CDC45: variants seen among roughly 807,000 people sequenced by gnomAD.
CDC45 encodes the protein cell division control protein 45 homolog.
CDC45 carries 54 observed loss-of-function variants against 77.8 expected under a neutral mutation model. That is an observed-to-expected ratio of 0.69 (90% confidence interval 0.56 to 0.87). The LOEUF is 0.87. Ranked by LOEUF, CDC45 falls within the 40% of genes least tolerant of loss-of-function variation. The probability of loss-of-function intolerance (pLI) is 0.00; values close to 1 mark genes in which losing one functional copy is unlikely to be tolerated. For missense variants in CDC45, 649 were observed against 721.6 expected (o/e 0.90, Z 1.15); for synonymous variants, 260 against 272.1 (o/e 0.96, Z 0.44).
intron 6 of CDC45, among the ~76,000 whole-genome samples, chr22:19,494,867 G>A (rs1268870114): frequency 2.6e-5 from 4 of 152,110 alleles, no homozygotes; most frequent in Non-Finnish European, 2.9e-5. Context: ...CACTCCTGCC[G>A]CTGCCACAGG....
At position 19,519,019 on chromosome 22, in the gene CDC45, G is replaced by A. The variant is rs5993664; in HGVS notation, c.*1+110G>A. On this transcript the variant is annotated intron_variant, in intron 18 of 18. Coordinates refer to ENST00000263201, the MANE Select transcript of CDC45 (RefSeq NM_003504.5). Reference sequence around the variant, plus strand: ...GAGGCTTCTACTTGGGTTTCAGACCGAAGCAGGGTTCTTGAGATTGGAGCC... The same window carrying A: ...GAGGCTTCTACTTGGGTTTCAGACCAAAGCAGGGTTCTTGAGATTGGAGCC... The A allele has an allele frequency of 4.4e-5, 37 of 831,780 alleles. No individual in the cohort carries two copies. The East Asian group carries it at 4.6e-4, about 10-fold the overall frequency. The allele number at this position is 831,780 out of a possible 1,614,324, so 51.5% of individuals were successfully genotyped here.
rs967970494 is a variant in CDC45, at chr22:19,479,931, A to T, written c.-38A>T. The stretch of plus-strand genomic sequence containing the variant: ...TCTTGACCGCCGCCGGGCTCTTGGT[A>T]CCTCAGCGCGAGCGCCAGGCGTCCG... On this transcript the variant is annotated 5_prime_UTR_variant, in exon 1 of 19. Transcript: ENST00000263201. 12 of 1,610,474 alleles carry T rather than the reference A, an allele frequency of 7.5e-6. No homozygotes were observed. The highest frequency in any genetic ancestry group is 1.0e-5 in the Non-Finnish European group (12 of 1,178,760).
intron 5 of CDC45, among the ~76,000 whole-genome samples, chr22:19,490,297 G>C (rs938487176): frequency 4.6e-5 from 7 of 151,926 alleles, no homozygotes; most frequent in African/African-American, 1.7e-4. Flanking sequence ...TGACATGTTA[G>C]GGCTTAAGTC....
At chr22:19,484,936 G>T (rs1005300851) in intron 5 of CDC45, among the ~76,000 whole-genome samples, 5 of 148,096 alleles carry the variant, frequency 3.4e-5, no homozygotes, top group Non-Finnish European at 7.5e-5. Flanking sequence ...TTTGTTTTTT[G>T]TTTTTTTTTT....
rs1399782640 is a variant in CDC45 at position 19,494,382 on chromosome 22, G to A, written c.542G>A (p.Arg181Lys). 8 of 1,613,518 alleles carry A rather than the reference G, an allele frequency of 5.0e-6. No individual in the cohort carries two copies. The highest frequency in any genetic ancestry group is 1.3e-5 in the African/African-American group (1 of 74,910). Residue 181 changes from arginine (R) to lysine (K), a missense_variant and splice_region_variant, in exon 6 of 19, where the codon AGA (arginine) becomes AAA (lysine). Coordinates refer to ENST00000263201, the MANE Select transcript of CDC45 (RefSeq NM_003504.5). ...RRQRREWEAR[R>K]RDILFDYEQY... The stretch of plus-strand genomic sequence containing the variant: ...CAGCGGCGAGAGTGGGAGGCCCGGA[G>A]GTGAGTCTGTGCTTCCAGCTGCTCC...
At chr22:19,507,922 G>C (rs929323449) in intron 12 of CDC45, 58 bp downstream of exon 12, 13 of 1,183,480 alleles carry the variant, frequency 1.1e-5, no homozygotes, top group Non-Finnish European at 1.6e-5. Flanking sequence ...TAAAGTGAAG[G>C]GTTCTACTTT....
In CDC45 at chr22:19,515,024, C is replaced by A. The variant is rs190155337; in HGVS notation, c.1416C>A (p.His472Gln). The A allele has an allele frequency of 1.2e-6, 2 of 1,612,372 alleles. No homozygotes were observed. Among genetic ancestry groups the A allele is most frequent in the African/African-American group, 1.3e-5 (1 of 74,876 alleles). ...CATCCCTAAGCCTGCTCAGCAAACA[C>A]CTGCTCAAGTCCTTTGTGTGTTCGG... Reference protein sequence around the residue: ...RPASLSLLSKHLLKSFVCSTK... With the variant: ...RPASLSLLSKQLLKSFVCSTK... The change falls in exon 15 of 19, where the codon CAC becomes CAA. Residue 472 changes from histidine (H) to glutamine (Q), a missense_variant. By Grantham distance (24) the His-to-Gln change is conservative. Transcript: ENST00000263201.
At chr22:19,516,266 T>C (rs969576868) in intron 15 of CDC45, among the ~76,000 whole-genome samples, 2 of 151,968 alleles carry the variant, frequency 1.3e-5, no homozygotes, top group Non-Finnish European at 2.9e-5. Context: ...ACAAGGAGGC[T>C]CGGGGACACA....
At chr22:19,489,786 CACTT>C in intron 5 of CDC45, among the ~76,000 whole-genome samples, 1 of 152,306 alleles carries the variant, frequency 6.6e-6, no homozygotes, top group South Asian at 2.1e-4. Flanking sequence ...TTAGAAATGT[CACTT>C]ACATACTGAG....
chr22:19,482,794 AGTCAATGTC>A lies in CDC45; in HGVS notation c.318_326del (p.Val107_Val109del). On this transcript the variant is annotated inframe_deletion, in exon 4 of 19. Coordinates refer to ENST00000263201, the MANE Select transcript of CDC45 (RefSeq NM_003504.5). ...TCTTTGTGTGTGACACCCATAGGCC[AGTCAATGTC>A]GTCAATGTATACAACGATACCCAGG... 6.2e-7 allele frequency: 1 copy of A among 1,614,070 alleles called. No individual in the cohort carries two copies. Among genetic ancestry groups the A allele is most frequent in the Non-Finnish European group, 8.5e-7 (1 of 1,179,892 alleles).
Position 19,483,913 on chromosome 22 carries a change from G to T in CDC45, c.394G>T (p.Asp132Tyr), listed in dbSNP as rs765355152. The T allele has an allele frequency of 1.2e-6, 2 of 1,612,994 alleles. No individual in the cohort carries two copies. The highest frequency in any genetic ancestry group is 1.7e-6 in the Non-Finnish European group (2 of 1,179,244). ...DDDLEVPAYEDIFRDEEEDEE... is the reference protein window; with the variant it reads ...DDDLEVPAYEYIFRDEEEDEE... Reference sequence around the variant, plus strand: ...TGACCTTGAAGTTCCCGCCTATGAAGACATCTTCAGGGATGAAGAGGAGGA... The same window carrying T: ...TGACCTTGAAGTTCCCGCCTATGAATACATCTTCAGGGATGAAGAGGAGGA... The change falls in exon 5 of 19, where the codon GAC (aspartate) becomes TAC (tyrosine). Residue 132 changes from aspartate (D) to tyrosine (Y), a missense_variant. Coordinates refer to ENST00000263201, the MANE Select transcript of CDC45 (RefSeq NM_003504.5).
intron 4 of CDC45, among the ~76,000 whole-genome samples, chr22:19,483,214 C>T (rs1425151631): frequency 6.6e-6 from 1 of 152,158 alleles, no homozygotes; most frequent in Non-Finnish European, 1.5e-5. Flanking sequence ...AGGCGGATTA[C>T]GAGGTCAGAA....
intron 9 of CDC45, among the ~76,000 whole-genome samples, chr22:19,502,513 C>T (rs1398300728): frequency 1.3e-5 from 2 of 152,210 alleles, no homozygotes; most frequent in East Asian, 3.8e-4. Flanking sequence ...CACATACACA[C>T]ACATACAAAG....
chr22:19,484,264 G>A lies in CDC45; in HGVS notation c.486+259G>A, dbSNP rs375764534. Reference sequence around the variant, plus strand: ...GAAATTTAGGACAGCTCAGCTCTGCGGCTAGATAGCAAAAAAATAATGTAG... The same window carrying A: ...GAAATTTAGGACAGCTCAGCTCTGCAGCTAGATAGCAAAAAAATAATGTAG... On this transcript the variant is annotated intron_variant, in intron 5 of 18. Transcript: ENST00000263201. Among the ~76,000 whole-genome samples the A allele has an allele frequency of 1.8e-4, 28 of 152,294 alleles. 1 individual carries two copies. The highest frequency in any genetic ancestry group is 6.3e-4 in the African/African-American group (26 of 41,552).
At position 19,516,569 on chromosome 22, in the gene CDC45, G is replaced by GC; in HGVS notation, c.1489dup (p.Leu497ProfsTer31). The GC allele has an allele frequency of 1.2e-6, 2 of 1,614,020 alleles. No individual in the cohort carries two copies. The highest frequency in any genetic ancestry group is 1.1e-5 in the South Asian group (1 of 91,084). On this transcript the variant is annotated frameshift_variant, in exon 16 of 19. Coordinates refer to ENST00000263201, the MANE Select transcript of CDC45 (RefSeq NM_003504.5). LOFTEE classifies it high-confidence loss of function. ...CAAACTGCTGCCCCTGGTGATGGCT[G>GC]CCCCCCTGAGCATGGAGCATGGCAC...
At chr22:19,516,680 T>G (rs1601996828) in intron 16 of CDC45, 35 bp downstream of exon 16, 1 of 1,568,372 alleles carries the variant, frequency 6.4e-7, no homozygotes, top group Non-Finnish European at 8.7e-7. Context: ...GACTGGAGGG[T>G]CGGGGGTGTT....
At chr22:19,506,823 A>C (rs964800577) in intron 10 of CDC45, among the ~76,000 whole-genome samples, 2 of 151,998 alleles carry the variant, frequency 1.3e-5, no homozygotes, top group South Asian at 4.2e-4. Flanking sequence ...AGTCCCAGCT[A>C]TTCGGGAGGC....
Position 19,516,473 on chromosome 22 carries a change from G to A in CDC45, c.1441-54G>A, listed in dbSNP as rs1205065907. 26 of 1,424,614 alleles carry A rather than the reference G, an allele frequency of 1.8e-5. No individual in the cohort carries two copies. In the Admixed American group the frequency reaches 3.9e-4, roughly 21 times the overall value. The allele number at this position is 1,424,614 out of a possible 1,614,324, so 88.2% of individuals were successfully genotyped here. ...GGCGCTGTTGGGCTCTGGGCTCTGA[G>A]TGTTGAGCTGGGGCCCACCATACCC... On this transcript the variant is annotated intron_variant, in intron 15 of 18. Coordinates refer to ENST00000263201, the MANE Select transcript of CDC45 (RefSeq NM_003504.5).
chr22:19,482,842 A>G lies in CDC45; in HGVS notation c.342+15A>G, dbSNP rs1286467425. ...ACGATACCCAGGTACTTTTTGTGCT[A>G]TGCCCTCAAACTGTCTGTACTTTTT... is the stretch of plus-strand genomic sequence containing the variant. On this transcript the variant is annotated intron_variant, in intron 4 of 18. Transcript: ENST00000263201. 3.1e-6 allele frequency: 5 copies of G among 1,613,074 alleles called. No individual in the cohort carries two copies. Among genetic ancestry groups the G allele is most frequent in the Non-Finnish European group, 4.2e-6 (5 of 1,179,240 alleles).
Sources: allele counts gnomAD v4.1 joint callset (sites outside exome capture counted in the v4.1 genomes callset), GRCh38; gene constraint gnomAD v4.1.1; transcripts MANE v1.5; gene names NCBI Gene and HGNC (gene_info 2026-07-23, HGNC 2026-07-21).